Variants in MBOAT1 observed in about 807,000 individuals in gnomAD.
The protein encoded by MBOAT1 is membrane-bound glycerophospholipid O-acyltransferase 1.
A neutral mutation model predicts 64.4 loss-of-function variants in MBOAT1; 67 were observed. The observed-to-expected ratio is 1.04, with a 90% CI of 0.85 to 1.27. The LOEUF (loss-of-function observed/expected upper bound fraction) is 1.27, where lower values mean the gene tolerates loss of function less well. Ranked by LOEUF, MBOAT1 falls within the 50% of genes most tolerant of loss-of-function variation. The pLI is 0.00. For synonymous variants in MBOAT1, 229 were observed against 218.9 expected, an observed-to-expected ratio of 1.05 and a Z score of -0.41; for missense variants, 563 against 604.6, an observed-to-expected ratio of 0.93 and a Z score of 0.72.
At chr6:20,168,558 AAAGAGAAAGAGAGAG>A (rs1561773132) in intron 1 of MBOAT1, among the ~76,000 whole-genome samples, 1 of 112,382 alleles carries the variant, frequency 8.9e-6, no homozygotes, top group Non-Finnish European at 1.9e-5. Flanking sequence ...GGAAACAGAG[AAAGAGAAAGAGAGAG>A]AGAGAAAGAG....
At chr6:20,134,977 C>CA (rs1034526216) in intron 4 of MBOAT1, among the ~76,000 whole-genome samples, 2 of 122,624 alleles carry the variant, frequency 1.6e-5, no homozygotes, top group East Asian at 2.4e-4. Flanking sequence ...ACAGGAAGGA[C>CA]AAAAAAAGGA....
At chr6:20,127,363 C>G (rs1760685361) in intron 6 of MBOAT1, among the ~76,000 whole-genome samples, 1 of 152,182 alleles carries the variant, frequency 6.6e-6, no homozygotes, top group African/African-American at 2.4e-5. Context: ...TAACCAGTCG[C>G]CGGAATTATC....
intron 5 of MBOAT1, 117 bp from the exon 6 acceptor site, chr6:20,128,870 A>G (rs1310777059): frequency 9.7e-6 from 7 of 720,960 alleles, no homozygotes; most frequent in Non-Finnish European, 1.6e-5. Context: ...TTCATAAATC[A>G]TAAAGAGTTC....
intron 8 of MBOAT1, among the ~76,000 whole-genome samples, chr6:20,120,316 G>A (rs896568919): frequency 2.6e-5 from 4 of 152,164 alleles, no homozygotes; most frequent in Non-Finnish European, 5.9e-5. Context: ...GGACAGCTCA[G>A]TGCTGGCCCA....
intron 6 of MBOAT1, among the ~76,000 whole-genome samples, chr6:20,127,566 C>T (rs1221737456): frequency 6.6e-6 from 1 of 152,114 alleles, no homozygotes; most frequent in Non-Finnish European, 1.5e-5. Flanking sequence ...GCATTAGATT[C>T]TCATAGGAGT....
intron 2 of MBOAT1, among the ~76,000 whole-genome samples, chr6:20,152,331 AAAAAAAAT>A (rs747273565): frequency 0.075 from 9,596 of 128,532 alleles, 422 homozygotes; most frequent in South Asian, 0.1. Context: ...CGTCTCAAAA[AAAAAAAAT>A]AAAAAATAAA....
chr6:20,110,666 C>T (rs1031709834), intron 11 of MBOAT1, among the ~76,000 whole-genome samples: 2 of 152,072 alleles, frequency 1.3e-5, no homozygotes, highest in African/African-American at 4.8e-5. Flanking sequence ...CAGAGCCATC[C>T]AAGCTTTTTC....
chr6:20,121,332 A>G (rs997423146), intron 8 of MBOAT1, among the ~76,000 whole-genome samples: 2 of 152,248 alleles, frequency 1.3e-5, no homozygotes, highest in African/African-American at 2.4e-5. Context: ...TTATTCGTAA[A>G]TAAGACAAAG....
chr6:20,101,499 T>A lies in MBOAT1; in HGVS notation c.*787A>T, dbSNP rs1759785033. 6.6e-6 allele frequency among the ~76,000 whole-genome samples: 1 copy of A among 152,210 alleles called. No homozygotes were observed. The highest frequency in any genetic ancestry group is 2.1e-4 in the South Asian group (1 of 4,830). ...GTCCTCTGAGTGTAGTTATTATGTC[T>A]GCAAACCAGTAATGTCACAAGTCAA... is the stretch of plus-strand genomic sequence containing the variant. On this transcript the variant is annotated 3_prime_UTR_variant, in exon 13 of 13. Transcript: ENST00000324607.
At chr6:20,156,342 T>C (rs1761684406) in intron 1 of MBOAT1, among the ~76,000 whole-genome samples, 2 of 152,054 alleles carry the variant, frequency 1.3e-5, no homozygotes. Flanking sequence ...TGACTGTTCA[T>C]GGTAAATGCC....
chr6:20,146,199 AT>A, intron 3 of MBOAT1, among the ~76,000 whole-genome samples: 1 of 152,308 alleles, frequency 6.6e-6, no homozygotes, highest in Admixed American at 6.5e-5. Flanking sequence ...GGGAAGAGGT[AT>A]TTTCTGATGT....
rs367630045 is a variant in MBOAT1 at position 20,124,538 on chromosome 6, C to T, written c.777G>A (p.Thr259=). 6.2e-5 allele frequency: 100 copies of T among 1,614,062 alleles called. No homozygotes were observed. In the Middle Eastern group the frequency reaches 1.3e-3, roughly 21 times the overall value. The change falls in exon 8 of 13, where the codon ACG becomes ACA. Residue 259 remains threonine, a synonymous_variant. Coordinates refer to ENST00000324607, the MANE Select transcript of MBOAT1 (RefSeq NM_001080480.3). The part of the protein sequence containing the change: ...LVSLLLFLTL[T]KTFPVTCLVD... ...CAAGGCAGGTGACAGGAAAGGTCTTCGTTAGCGTCAAAAACAAAAGGAGAG... is the reference window on the plus strand; with the variant it reads ...CAAGGCAGGTGACAGGAAAGGTCTTTGTTAGCGTCAAAAACAAAAGGAGAG...
At chr6:20,127,675 C>T (rs1760699678) in intron 6 of MBOAT1, among the ~76,000 whole-genome samples, 1 of 152,166 alleles carries the variant, frequency 6.6e-6, no homozygotes, top group African/African-American at 2.4e-5. Flanking sequence ...CCAACACCCC[C>T]AGATGGGACC....
chr6:20,179,989 TC>T (rs773457841), intron 1 of MBOAT1, among the ~76,000 whole-genome samples: 2 of 152,136 alleles, frequency 1.3e-5, no homozygotes, highest in Non-Finnish European at 2.9e-5. Context: ...CATCCACTCC[TC>T]CTCAAAGTTC....
intron 1 of MBOAT1, among the ~76,000 whole-genome samples, chr6:20,208,124 C>G (rs992949947): frequency 1.3e-5 from 2 of 152,076 alleles, no homozygotes; most frequent in African/African-American, 4.8e-5. Context: ...AGGGAAGCAA[C>G]CAGGACTGAC....
rs749406972 is a variant in MBOAT1 at position 20,102,319 on chromosome 6, AG to A, written c.1454del (p.Thr485IlefsTer2). The A allele has an allele frequency of 1.2e-6, 2 of 1,613,990 alleles. No homozygotes were observed. The highest frequency in any genetic ancestry group is 1.7e-6 in the Non-Finnish European group (2 of 1,179,968). On this transcript the variant is annotated frameshift_variant, in exon 13 of 13. Coordinates refer to ENST00000324607, the MANE Select transcript of MBOAT1 (RefSeq NM_001080480.3). LOFTEE classifies it high-confidence loss of function. ...TTTTTCTCTTATTAATAGAGTTCAGAGTCTGAGGCCGCCTTTGCGTATGAGC... is the reference window on the plus strand; with the variant it reads ...TTTTTCTCTTATTAATAGAGTTCAGATCTGAGGCCGCCTTTGCGTATGAGC... Reference protein sequence around the residue: ...PQAHTQRRPQTLNSINKRKTD With the variant: ...PQAHTQRRPQXLNSINKRKTD
At chr6:20,106,387 A>C (rs969476694) in intron 12 of MBOAT1, among the ~76,000 whole-genome samples, 10 of 152,174 alleles carry the variant, frequency 6.6e-5, no homozygotes, top group African/African-American at 2.4e-4. Context: ...CCAGCATCTC[A>C]GATGGCACAG....
intron 1 of MBOAT1, among the ~76,000 whole-genome samples, chr6:20,155,264 G>A (rs1339343625): frequency 1.3e-5 from 2 of 152,146 alleles, no homozygotes; most frequent in Non-Finnish European, 2.9e-5. Flanking sequence ...GGCAGGATCT[G>A]GCAATTTTTG....
Position 20,109,740 on chromosome 6 carries a change from T to C in MBOAT1, c.1219A>G (p.Asn407Asp), listed in dbSNP as rs1484714138. 6.2e-7 allele frequency: 1 copy of C among 1,613,354 alleles called. No individual in the cohort carries two copies. The highest frequency in any genetic ancestry group is 8.5e-7 in the Non-Finnish European group (1 of 1,179,530). Residue 407 changes from asparagine (N) to aspartate (D), a missense_variant, in exon 12 of 13, where the codon AAC becomes GAC. Physicochemically the swap from Asn to Asp is conservative, Grantham distance 23. Transcript: ENST00000324607. ...VTLAARAVRN[N>D]YRHYFLSSRA... ...GAAGAAAGGAAGTAATGTCTGTAGT[T>C]GTTCCTGACCTGCAGGCCAACACAG...
Sources: allele counts gnomAD v4.1 joint callset (sites outside exome capture counted in the v4.1 genomes callset), GRCh38; gene constraint gnomAD v4.1.1; transcripts MANE v1.5; gene names NCBI Gene and HGNC (gene_info 2026-07-23, HGNC 2026-07-21).